Variants in RANGAP1 observed in about 807,000 individuals in gnomAD.
The protein encoded by RANGAP1 is Ran GTPase activating protein 1.
A neutral mutation model predicts 63.5 loss-of-function variants in RANGAP1; 38 were observed. The ratio of observed to expected loss-of-function variants is 0.60; its 90% confidence interval spans 0.46 to 0.78. The LOEUF is 0.78. Ranked by LOEUF, RANGAP1 falls within the 30% of genes least tolerant of loss-of-function variation. The pLI is 0.00. For synonymous variants in RANGAP1, 329 were observed against 310.5 expected, an observed-to-expected ratio of 1.06 and a Z score of -0.63; for missense variants, 630 against 740.3, an observed-to-expected ratio of 0.85 and a Z score of 1.73.
intron 2 of RANGAP1, among the ~76,000 whole-genome samples, chr22:41,279,663 G>T (rs114797989): frequency 1.3e-5 from 2 of 151,396 alleles, no homozygotes; most frequent in South Asian, 2.1e-4. Context: ...TTAGCCAGGC[G>T]TGATGGTGTG....
intron 1 of RANGAP1, among the ~76,000 whole-genome samples, chr22:41,283,408 T>A (rs553487417): frequency 1.6e-4 from 24 of 150,764 alleles, no homozygotes; most frequent in African/African-American, 5.4e-4. Flanking sequence ...ACTCGGGAGG[T>A]TGAGGCAGGA....
At chr22:41,291,571 C>T in the RANGAP1 span, among the ~76,000 whole-genome samples, 103 of 128,028 alleles carry the variant, frequency 8.0e-4, no homozygotes, top group African/African-American at 2.8e-3. Context: ...GCACTCCAGC[C>T]GGATCAACAG....
chr22:41,254,262 G>C, intron 11 of RANGAP1, 46 bp downstream of exon 11: 3 of 1,609,268 alleles, frequency 1.9e-6, no homozygotes, highest in Non-Finnish European at 2.6e-6. Flanking sequence ...GGGATTTCAC[G>C]TTCTCAGGAC....
Position 41,246,469 on chromosome 22 carries a change from G to T in RANGAP1, c.*134C>A. The T allele has an allele frequency of 1.1e-6, 1 of 891,726 alleles. No individual in the cohort carries two copies. The highest frequency in any genetic ancestry group is 1.7e-6 in the Non-Finnish European group (1 of 579,580). 55.2% of individuals were successfully genotyped at this position (891,726 alleles called of 1,614,324 possible). On this transcript the variant is annotated 3_prime_UTR_variant, in exon 16 of 16. Transcript: ENST00000356244. ...ACACACATACTCAGGGGACTGACAG[G>T]ACACATGGGACACAGACCCGCCCTG...
chr22:41,270,738 G>A (rs970120421), intron 3 of RANGAP1, among the ~76,000 whole-genome samples: 4 of 152,242 alleles, frequency 2.6e-5, no homozygotes, highest in Middle Eastern at 3.4e-3. Context: ...AGAAAAATCC[G>A]CATATCCACC....
intron 15 of RANGAP1, among the ~76,000 whole-genome samples, chr22:41,248,472 C>T (rs942607085): frequency 6.6e-6 from 1 of 152,250 alleles, no homozygotes; most frequent in Non-Finnish European, 1.5e-5. Context: ...CCCCGCCTCC[C>T]CACATGCACC....
At position 41,253,746 on chromosome 22, in the gene RANGAP1, T is replaced by C. The variant is rs116980043; in HGVS notation, c.1260+562A>G. Among the ~76,000 whole-genome samples the C allele has an allele frequency of 1.2e-3, 187 of 152,342 alleles. 4 individuals carry two copies. In the East Asian group the frequency reaches 0.033, roughly 27 times the overall value. ...CTTTCAGAAACCCTTATGCATATCT[T>C]ATAATATACATAATGCAGCAGCACT... On this transcript the variant is annotated intron_variant, in intron 11 of 15. Transcript: ENST00000356244.
intron 1 of RANGAP1, chr22:41,281,637 A>G (rs2035495975): frequency 1.0e-6 from 1 of 986,734 alleles, no homozygotes; most frequent in Admixed American, 6.1e-5. Flanking sequence ...TGGCCGGGAG[A>G]CTGGGCAGGC....
chr22:41,256,623 AC>A lies in RANGAP1; in HGVS notation c.888+87del, dbSNP rs543593166. On this transcript the variant is annotated intron_variant, in intron 8 of 15. Coordinates refer to ENST00000356244, the MANE Select transcript of RANGAP1 (RefSeq NM_002883.4). ...GGAGCTGGGATATGGACACAGGCCC[AC>A]CTGCCTTCAGACCAGACCCCTGTGC... 6.1e-4 allele frequency: 719 copies of A among 1,171,504 alleles called. 4 individuals are homozygous for A. The African/African-American group carries it at 9.8e-3, about 16-fold the overall frequency. 72.6% of individuals were successfully genotyped at this position (1,171,504 alleles called of 1,614,324 possible).
intron 3 of RANGAP1, among the ~76,000 whole-genome samples, chr22:41,270,070 G>C (rs552440077): frequency 6.6e-6 from 1 of 152,142 alleles, no homozygotes; most frequent in East Asian, 1.9e-4. Context: ...CTCGACCTCA[G>C]GTGATCCACC....
upstream of RANGAP1, among the ~76,000 whole-genome samples, chr22:41,287,024 G>T (rs1246347004): frequency 6.6e-6 from 1 of 152,116 alleles, no homozygotes; most frequent in East Asian, 1.9e-4. Flanking sequence ...TCGGATCCTG[G>T]GTGGGGATTG....
At chr22:41,248,120 C>A (rs2033175527) in intron 15 of RANGAP1, among the ~76,000 whole-genome samples, 1 of 124,696 alleles carries the variant, frequency 8.0e-6, no homozygotes, top group Non-Finnish European at 1.6e-5. Context: ...ACAGCATGGG[C>A]AAAGCTCGGC....
At chr22:41,249,697 C>G (rs1425295140) in intron 14 of RANGAP1, 32 bp downstream of exon 14, 1 of 1,590,630 alleles carries the variant, frequency 6.3e-7, no homozygotes, top group Non-Finnish European at 8.6e-7. Context: ...CACCCACCTC[C>G]CTCCCGGGCC....
chr22:41,269,456 C>A (rs916228547), intron 3 of RANGAP1, among the ~76,000 whole-genome samples: 1 of 151,826 alleles, frequency 6.6e-6, no homozygotes, highest in African/African-American at 2.4e-5. Context: ...TAGAAGATGC[C>A]GGGCATGGTG....
At chr22:41,250,975 A>C in intron 13 of RANGAP1, 32 bp downstream of exon 13, 1 of 1,575,330 alleles carries the variant, frequency 6.3e-7, no homozygotes, top group African/African-American at 1.3e-5. Context: ...CAAGGGACAG[A>C]GGGCACCCAG....
intron 5 of RANGAP1, among the ~76,000 whole-genome samples, chr22:41,263,161 C>T (rs2034270318): frequency 6.6e-6 from 1 of 152,182 alleles, no homozygotes; most frequent in Non-Finnish European, 1.5e-5. Flanking sequence ...CACCCCATTA[C>T]AAGTATAGGA....
chr22:41,261,378 G>C (rs1451897918), intron 6 of RANGAP1, 68 bp downstream of exon 6: 3 of 1,599,444 alleles, frequency 1.9e-6, no homozygotes, highest in South Asian at 1.1e-5. Flanking sequence ...TTAGCATCCA[G>C]AACTGTCAGC....
chr22:41,254,576 G>A (rs1050938545), intron 10 of RANGAP1, 82 bp from the exon 11 acceptor site: 9 of 1,497,302 alleles, frequency 6.0e-6, no homozygotes, highest in Non-Finnish European at 8.0e-6. Context: ...TGAGCCCAGA[G>A]ACCTCACCTC....
chr22:41,285,520 T>C (rs768593462), intron 1 of RANGAP1: 70 of 985,366 alleles, frequency 7.1e-5, no homozygotes, highest in Non-Finnish European at 8.2e-5. Flanking sequence ...TGCATGCTCC[T>C]GCAAAGCGTC....
Sources: allele counts gnomAD v4.1 joint callset (sites outside exome capture counted in the v4.1 genomes callset), GRCh38; gene constraint gnomAD v4.1.1; transcripts MANE v1.5; gene names NCBI Gene and HGNC (gene_info 2026-07-23, HGNC 2026-07-21).